The following PDE4B variants were observed in gnomAD, a reference collection of about 807,000 sequenced individuals.
PDE4B encodes the protein phosphodiesterase 4B.
PDE4B carries 20 observed loss-of-function variants against 82.2 expected under a neutral mutation model. That is an observed-to-expected ratio of 0.24 (90% confidence interval 0.17 to 0.35). PDE4B has a LOEUF of 0.35. Among genes scored for constraint, PDE4B ranks in the 10% least tolerant of loss-of-function variants. The pLI is 1.00. For missense variants in PDE4B, 655 were observed against 907.2 expected (o/e 0.72, Z 3.57); for synonymous variants, 320 against 318.9 (o/e 1.00, Z -0.04).
chr1:65,884,420 G>C (rs995580737), intron 1 of PDE4B, among the ~76,000 whole-genome samples: 2 of 152,000 alleles, frequency 1.3e-5, no homozygotes, highest in African/African-American at 2.4e-5. Context: ...TAAGCCAAAA[G>C]AACAAAGCTG....
intron 7 of PDE4B, among the ~76,000 whole-genome samples, chr1:66,287,854 G>A (rs890463890): frequency 1.3e-5 from 2 of 151,964 alleles, no homozygotes; most frequent in Non-Finnish European, 2.9e-5. Context: ...GTACTTGTAA[G>A]TCCTAGCTAC....
At position 66,167,116 on chromosome 1, in the gene PDE4B, G is replaced by T. The variant is rs192563206; in HGVS notation, c.282-80344G>T. 3.9e-5 allele frequency among the ~76,000 whole-genome samples: 6 copies of T among 152,296 alleles called. No homozygotes were observed. The East Asian group carries it at 1.2e-3, about 29-fold the overall frequency. The stretch of plus-strand genomic sequence containing the variant: ...ACATTTCTGGTGGGATTGTAAAATG[G>T]TGTGACCATATTGGAAAAGTTTGCC... On this transcript the variant is annotated intron_variant, in intron 3 of 16. Transcript: ENST00000341517.
chr1:66,052,023 T>C lies in PDE4B; in HGVS notation c.281+133188T>C, dbSNP rs1009397082. Among the ~76,000 whole-genome samples the C allele has an allele frequency of 2.6e-5, 4 of 152,122 alleles. No individual in the cohort carries two copies. The East Asian group carries it at 5.8e-4, about 22-fold the overall frequency. On this transcript the variant is annotated intron_variant, in intron 3 of 16. Coordinates refer to ENST00000341517, the MANE Select transcript of PDE4B (RefSeq NM_002600.4). Reference sequence around the variant, plus strand: ...GTTTACCAAGGTGGTGGGGCCTGCATTGAAGCTCAGCTTTTCTTCTGCCAG... The same window carrying C: ...GTTTACCAAGGTGGTGGGGCCTGCACTGAAGCTCAGCTTTTCTTCTGCCAG...
intron 1 of PDE4B, among the ~76,000 whole-genome samples, chr1:65,879,636 A>G (rs755854577): frequency 6.6e-6 from 1 of 152,206 alleles, no homozygotes; most frequent in South Asian, 2.1e-4. Flanking sequence ...GTAGGCATTT[A>G]GGCACAGGCT....
intron 3 of PDE4B, among the ~76,000 whole-genome samples, chr1:66,038,325 T>C (rs1176850258): frequency 1.3e-5 from 2 of 152,196 alleles, no homozygotes; most frequent in East Asian, 3.8e-4. Context: ...TTAATGATTA[T>C]GTATGTGTTT....
chr1:65,828,730 T>C lies in PDE4B; in HGVS notation c.-71+35482T>C, dbSNP rs183417210. On this transcript the variant is annotated intron_variant, in intron 1 of 16. Transcript: ENST00000341517. ...CTACACATGAAGTGATGTAATATTATTTAAAGGTTGACTTATTTTGTTAAA... is the reference window on the plus strand; with the variant it reads ...CTACACATGAAGTGATGTAATATTACTTAAAGGTTGACTTATTTTGTTAAA... Among the ~76,000 whole-genome samples the C allele has an allele frequency of 4.5e-3, 683 of 152,312 alleles. 5 individuals carry two copies. Among genetic ancestry groups the C allele is most frequent in the African/African-American group, 0.015 (635 of 41,550 alleles).
intron 3 of PDE4B, among the ~76,000 whole-genome samples, chr1:66,234,381 C>T (rs1400968560): frequency 5.3e-5 from 8 of 152,108 alleles, no homozygotes; most frequent in Non-Finnish European, 5.9e-5. Flanking sequence ...CTCTGCCTCC[C>T]GGGTTCAAGT....
chr1:65,845,819 T>A (rs913038780), intron 1 of PDE4B, among the ~76,000 whole-genome samples: 5 of 152,182 alleles, frequency 3.3e-5, no homozygotes, highest in African/African-American at 1.2e-4. Context: ...TCTTAAGTTC[T>A]GCATCTCCTT....
intron 3 of PDE4B, among the ~76,000 whole-genome samples, chr1:66,184,824 T>A (rs943552823): frequency 6.6e-6 from 1 of 150,642 alleles, no homozygotes; most frequent in Non-Finnish European, 1.5e-5. Context: ...ACTCTTTAAC[T>A]TTATTGTGCC....
chr1:66,005,569 A>G (rs1652105540), intron 3 of PDE4B, among the ~76,000 whole-genome samples: 2 of 152,160 alleles, frequency 1.3e-5, no homozygotes, highest in South Asian at 2.1e-4. Context: ...CAGGGATTCT[A>G]TTTAAATGAA....
At chr1:66,254,862 A>T (rs1654070472) in intron 4 of PDE4B, among the ~76,000 whole-genome samples, 1 of 151,830 alleles carries the variant, frequency 6.6e-6, no homozygotes, top group African/African-American at 2.4e-5. Context: ...AATGGGTGCA[A>T]TTTCTAACTA....
intron 3 of PDE4B, among the ~76,000 whole-genome samples, chr1:66,190,306 G>C (rs1322659565): frequency 6.6e-6 from 1 of 152,220 alleles, no homozygotes; most frequent in Non-Finnish European, 1.5e-5. Context: ...GAGGCAGTCT[G>C]TCCATTCTCA....
chr1:66,181,891 A>C (rs1570413325), intron 3 of PDE4B, among the ~76,000 whole-genome samples: 1 of 152,254 alleles, frequency 6.6e-6, no homozygotes, highest in East Asian at 1.9e-4. Flanking sequence ...GGCCTTGGAT[A>C]GCCTTAGTAG....
At chr1:66,316,742 A>G (rs566359317) in intron 7 of PDE4B, among the ~76,000 whole-genome samples, 1 of 152,360 alleles carries the variant, frequency 6.6e-6, no homozygotes, top group Admixed American at 6.5e-5. Flanking sequence ...AACAGGGAAA[A>G]AGTAAGCACA....
At chr1:66,027,357 A>G (rs1653503167) in intron 3 of PDE4B, among the ~76,000 whole-genome samples, 1 of 152,140 alleles carries the variant, frequency 6.6e-6, no homozygotes, top group South Asian at 2.1e-4. Flanking sequence ...ACTGGCCCCC[A>G]TGAGTCAATT....
intron 1 of PDE4B, among the ~76,000 whole-genome samples, chr1:65,802,138 T>C (rs1335584247): frequency 6.6e-6 from 1 of 152,210 alleles, no homozygotes; most frequent in Non-Finnish European, 1.5e-5. Flanking sequence ...TAACCAATAA[T>C]TTGACATACA....
chr1:65,991,138 C>T (rs3949210), intron 3 of PDE4B, among the ~76,000 whole-genome samples: 10,913 of 151,290 alleles, frequency 0.072, 941 homozygotes, highest in East Asian at 0.43. Flanking sequence ...AGTGCAGTGG[C>T]GTGATCTTGG....
chr1:66,170,234 A>G (rs1229146405), intron 3 of PDE4B, among the ~76,000 whole-genome samples: 2 of 152,220 alleles, frequency 1.3e-5, no homozygotes, highest in African/African-American at 4.8e-5. Flanking sequence ...CAGTTCAGGA[A>G]TGAAGCTGGG....
intron 1 of PDE4B, among the ~76,000 whole-genome samples, chr1:65,876,456 G>T (rs986807387): frequency 6.6e-6 from 1 of 151,974 alleles, no homozygotes; most frequent in Non-Finnish European, 1.5e-5. Flanking sequence ...ATACATATGT[G>T]TATGAAGTTT....
Sources: gnomAD v4.1 joint callset for allele counts (sites outside exome capture counted in the v4.1 genomes callset) on GRCh38, gnomAD v4.1.1 for gene constraint, MANE v1.5 for transcripts, NCBI Gene and HGNC (gene_info 2026-07-23, HGNC 2026-07-21) for gene names.